CRTC3: variants seen among roughly 807,000 people sequenced by gnomAD.
CRTC3 encodes the protein CREB regulated transcription coactivator 3, also known as CREB-regulated transcription coactivator 3.
CRTC3 carries 26 observed loss-of-function variants against 74.5 expected under a neutral mutation model. The observed-to-expected ratio is 0.35, with a 90% confidence interval of 0.26 to 0.48. The LOEUF (loss-of-function observed/expected upper bound fraction) is 0.48, where lower values mean the gene tolerates loss of function less well. Among genes scored for constraint, CRTC3 ranks in the 20% least tolerant of loss-of-function variants. CRTC3 has a pLI of 0.99. For missense variants in CRTC3, 760 were observed against 787.3 expected, an observed-to-expected ratio of 0.97 and a Z score of 0.41; for synonymous variants, 377 against 325.8, an observed-to-expected ratio of 1.16 and a Z score of -1.69.
intron 7 of CRTC3, among the ~76,000 whole-genome samples, chr15:90,616,206 A>T (rs1968491624): frequency 6.6e-6 from 1 of 152,170 alleles, no homozygotes. Flanking sequence ...ATTAAGAGAG[A>T]CACCTGGGAA....
intron 2 of CRTC3, 46 bp downstream of exon 2, chr15:90,540,183 A>G (rs1190414366): frequency 3.1e-6 from 4 of 1,270,170 alleles, no homozygotes; most frequent in South Asian, 2.5e-5. Flanking sequence ...GAGTGTAAAA[A>G]ATAGACAAAG....
intron 4 of CRTC3, among the ~76,000 whole-genome samples, 196 bp downstream of exon 4, chr15:90,602,581 T>A (rs1968097580): frequency 6.6e-6 from 1 of 152,112 alleles, no homozygotes; most frequent in African/African-American, 2.4e-5. Flanking sequence ...TGATGGGGCC[T>A]GTGAATAGCT....
intron 3 of CRTC3, among the ~76,000 whole-genome samples, chr15:90,600,930 G>A (rs1968053393): frequency 1.3e-5 from 2 of 152,150 alleles, no homozygotes; most frequent in Non-Finnish European, 2.9e-5. Context: ...AGGGGAAATG[G>A]CCTTAGCAAA....
intron 2 of CRTC3, among the ~76,000 whole-genome samples, chr15:90,563,622 C>G (rs2151066711): frequency 6.6e-6 from 1 of 152,244 alleles, no homozygotes; most frequent in Non-Finnish European, 1.5e-5. Context: ...CTGGCAGAGG[C>G]ATCAGAACTG....
chr15:90,619,327 C>A (rs1175694105), intron 8 of CRTC3, among the ~76,000 whole-genome samples: 1 of 152,112 alleles, frequency 6.6e-6, no homozygotes, highest in Non-Finnish European at 1.5e-5. Flanking sequence ...TGTGGTGGTG[C>A]ATGCCTGTGA....
At chr15:90,560,022 T>C (rs1389446408) in intron 2 of CRTC3, among the ~76,000 whole-genome samples, 1 of 152,262 alleles carries the variant, frequency 6.6e-6, no homozygotes, top group African/African-American at 2.4e-5. Context: ...TTTTTTTTCT[T>C]ATCAAATTGT....
At chr15:90,608,048 G>A (rs1316615121) in intron 6 of CRTC3, among the ~76,000 whole-genome samples, 1 of 152,140 alleles carries the variant, frequency 6.6e-6, no homozygotes, top group Non-Finnish European at 1.5e-5. Context: ...AAGCCTCGGG[G>A]AGGGAGGGTG....
chr15:90,569,040 G>A (rs1034538159), intron 2 of CRTC3, among the ~76,000 whole-genome samples: 7 of 149,986 alleles, frequency 4.7e-5, no homozygotes, highest in South Asian at 2.1e-4. Context: ...TCACCCAGGC[G>A]AGAGTGCAGT....
intron 14 of CRTC3, 174 bp downstream of exon 14, chr15:90,641,373 C>T (rs560223537): frequency 3.7e-5 from 22 of 589,594 alleles, no homozygotes; most frequent in South Asian, 8.1e-5. Context: ...TGACACAGGG[C>T]GGTGGGCCTG....
At chr15:90,555,020 C>G (rs1966876945) in intron 2 of CRTC3, among the ~76,000 whole-genome samples, 1 of 152,192 alleles carries the variant, frequency 6.6e-6, no homozygotes, top group African/African-American at 2.4e-5. Context: ...TGGCCATACT[C>G]TGGCTATATC....
chr15:90,545,876 C>T (rs1347178214), intron 2 of CRTC3, among the ~76,000 whole-genome samples: 1 of 152,164 alleles, frequency 6.6e-6, no homozygotes, highest in Admixed American at 6.6e-5. Flanking sequence ...CTGCGCCTGG[C>T]CTTGTCTAGT....
At chr15:90,562,279 A>T (rs1967029071) in intron 2 of CRTC3, among the ~76,000 whole-genome samples, 3 of 152,232 alleles carry the variant, frequency 2.0e-5, no homozygotes, top group South Asian at 4.1e-4. Flanking sequence ...TACCTGAGCT[A>T]TGCTTTGTGT....
intron 2 of CRTC3, among the ~76,000 whole-genome samples, chr15:90,543,651 C>G (rs1025385529): frequency 6.6e-6 from 1 of 152,002 alleles, no homozygotes; most frequent in African/African-American, 2.4e-5. Context: ...TGGTGGGAGC[C>G]CTCTTCCGAA....
intron 2 of CRTC3, among the ~76,000 whole-genome samples, chr15:90,589,594 A>G (rs1037316918): frequency 6.6e-6 from 1 of 152,194 alleles, no homozygotes; most frequent in African/African-American, 2.4e-5. Flanking sequence ...TCCTGGCCTC[A>G]AGTGACCCTC....
intron 2 of CRTC3, among the ~76,000 whole-genome samples, chr15:90,555,931 T>C (rs543127052): frequency 6.6e-6 from 1 of 152,274 alleles, no homozygotes; most frequent in South Asian, 2.1e-4. Flanking sequence ...TAATATGTGC[T>C]CATTGTGTAA....
At chr15:90,639,903 G>T (rs1396610711) in intron 13 of CRTC3, among the ~76,000 whole-genome samples, 1 of 151,906 alleles carries the variant, frequency 6.6e-6, no homozygotes, top group Non-Finnish European at 1.5e-5. Flanking sequence ...AAAAAAATTA[G>T]CTGGGCGTGG....
At chr15:90,638,359 C>T in intron 11 of CRTC3, 87 bp from the exon 12 acceptor site, 3 of 1,147,718 alleles carry the variant, frequency 2.6e-6, no homozygotes, top group Non-Finnish European at 3.9e-6. Context: ...TCTCAGGCTT[C>T]CTCTCACTCT....
At chr15:90,628,248 A>G (rs544369883) in intron 10 of CRTC3, among the ~76,000 whole-genome samples, 1 of 152,100 alleles carries the variant, frequency 6.6e-6, no homozygotes, top group Non-Finnish European at 1.5e-5. Flanking sequence ...AGTGATAATA[A>G]TAATTTTGCC....
At chr15:90,574,102 TC>T (rs754475398) in intron 2 of CRTC3, among the ~76,000 whole-genome samples, 17 of 152,202 alleles carry the variant, frequency 1.1e-4, no homozygotes, top group Non-Finnish European at 1.8e-4. Context: ...TACACAGTAT[TC>T]TTTTATATGA....
Sources: gnomAD v4.1 joint callset for allele counts (sites outside exome capture counted in the v4.1 genomes callset) on GRCh38, gnomAD v4.1.1 for gene constraint, MANE v1.5 for transcripts, NCBI Gene and HGNC (gene_info 2026-07-23, HGNC 2026-07-21) for gene names.